Variants in EME1 observed in about 807,000 individuals in gnomAD.
The protein encoded by EME1 is essential meiotic structure-specific endonuclease 1, also known as structure-specific endonuclease subunit EME1.
Under a neutral mutation model 59.1 loss-of-function variants are expected in EME1, and 61 were observed. The ratio of observed to expected loss-of-function variants is 1.03; its 90% CI spans 0.84 to 1.28. EME1 has a LOEUF of 1.28. EME1 is among the 50% of genes most tolerant of loss of function. The pLI, the probability that EME1 is intolerant of heterozygous loss-of-function variation, is 0.00. For missense variants in EME1, 635 were observed against 682.6 expected (o/e 0.93, Z 0.78); for synonymous variants, 230 against 254.2 (o/e 0.90, Z 0.90).
Position 50,379,698 on chromosome 17 carries a change from G to C in EME1, c.1346+131G>C, listed in dbSNP as rs377329160. On this transcript the variant is annotated intron_variant, in intron 7 of 8. Transcript: ENST00000338165. The stretch of plus-strand genomic sequence containing the variant: ...TTGTCTCTCAAGCTTGAGGCAGAAG[G>C]AGCTGACCTCACACTGGGGATTCTT... The C allele has an allele frequency of 5.0e-5, 38 of 754,128 alleles. No homozygotes were observed. In the African/African-American group the frequency reaches 6.1e-4, roughly 12 times the overall value. 46.7% of individuals were successfully genotyped at this position (754,128 alleles called of 1,614,324 possible).
intron 3 of EME1, among the ~76,000 whole-genome samples, chr17:50,376,810 A>G (rs1313811014): frequency 2.6e-5 from 4 of 152,208 alleles, no homozygotes; most frequent in Non-Finnish European, 5.9e-5. Context: ...CCCTGACTTC[A>G]CTTTTCTCCT....
rs1321123098 is a variant in EME1, at chr17:50,375,597, G to A, written c.389G>A (p.Gly130Asp). The A allele has an allele frequency of 1.9e-6, 3 of 1,594,252 alleles. No homozygotes were observed. The highest frequency in any genetic ancestry group is 2.6e-6 in the Non-Finnish European group (3 of 1,174,756). Residue 130 changes from glycine (G) to aspartate (D), a missense_variant, in exon 2 of 9, where the codon GGT (glycine) becomes GAT (aspartate). By Grantham distance (94) the Gly-to-Asp change is moderately conservative (BLOSUM62 -1). Transcript: ENST00000338165. The part of the protein sequence containing the change: ...KSVLDHQNNE[G>D]ASCDWKKPFP... Reference sequence around the variant, plus strand: ...GTTTTGGATCATCAAAATAATGAAGGTGCATCATGTGACTGGAAAAAGCCC... The same window carrying A: ...GTTTTGGATCATCAAAATAATGAAGATGCATCATGTGACTGGAAAAAGCCC...
Position 50,380,623 on chromosome 17 carries a change from C to T in EME1, c.1536+122C>T, listed in dbSNP as rs749786167. The T allele has an allele frequency of 3.3e-6, 5 of 1,530,990 alleles. No individual in the cohort carries two copies. In the African/African-American group the frequency reaches 4.1e-5, roughly 13 times the overall value. 94.8% of individuals were successfully genotyped at this position (1,530,990 alleles called of 1,614,324 possible). A position where few individuals can be genotyped will look rare whatever the true frequency, so the allele number is the denominator to read the frequency against. On this transcript the variant is annotated intron_variant, in intron 8 of 8. Coordinates refer to ENST00000338165, the MANE Select transcript of EME1 (RefSeq NM_152463.4). ...CTCACAGGTCAGCAGTGCAGGTCTA[C>T]TAAGATCAGTGTTGCTAATGCTGAC...
intron 5 of EME1, 27 bp downstream of exon 5, chr17:50,378,922 G>A (rs1306945128): frequency 2.5e-6 from 4 of 1,614,118 alleles, no homozygotes; most frequent in Non-Finnish European, 3.4e-6. Context: ...GTGATTTCAT[G>A]TTAAAAGGGG....
chr17:50,379,488 G>A lies in EME1; in HGVS notation c.1267G>A (p.Ala423Thr), dbSNP rs138109548. 5.6e-4 allele frequency: 907 copies of A among 1,614,192 alleles called. No homozygotes were observed. The highest frequency in any genetic ancestry group is 7.2e-4 in the Non-Finnish European group (855 of 1,180,020). The change falls in exon 7 of 9, where the codon GCT becomes ACT. Residue 423 changes from alanine to threonine, a missense_variant. Coordinates refer to ENST00000338165, the MANE Select transcript of EME1 (RefSeq NM_152463.4). ...VDLQLHTEAQ[A>T]QIVQSWKELA... ...TCTGCAGCTACACACAGAAGCCCAG[G>A]CTCAAATTGTGCAGAGCTGGAAAGA...
At chr17:50,377,800 G>A (rs1645551203) in intron 3 of EME1, among the ~76,000 whole-genome samples, 1 of 151,426 alleles carries the variant, frequency 6.6e-6, no homozygotes, top group Admixed American at 6.6e-5. Flanking sequence ...CTGCTGCCCA[G>A]GCTAGAATGC....
In EME1 at chr17:50,375,184, G is replaced by A. The variant is rs200348764; in HGVS notation, c.-24-1G>A. 2 of 1,604,494 alleles carry A rather than the reference G, an allele frequency of 1.2e-6. No individual in the cohort carries two copies. The highest frequency in any genetic ancestry group is 1.7e-6 in the Non-Finnish European group (2 of 1,176,026). ...GTGTCATATGTCTCTTTTCCTTTTA[G>A]GGAATTATTTGATAGCACATACTGA... On this transcript the variant is annotated splice_acceptor_variant, in intron 1 of 8. Transcript: ENST00000338165. LOFTEE classifies it low-confidence loss of function (5UTR_SPLICE).
Position 50,378,773 on chromosome 17 carries a change from G to A in EME1, c.991-1G>A. The stretch of plus-strand genomic sequence containing the variant: ...AATGCAGTTTCTGCCCCTTCATGCA[G>A]GGAAGCCTGGACAGCACTATGAAAG... On this transcript the variant is annotated splice_acceptor_variant, in intron 4 of 8. Coordinates refer to ENST00000338165, the MANE Select transcript of EME1 (RefSeq NM_152463.4). LOFTEE classifies it high-confidence loss of function. 6.2e-7 allele frequency: 1 copy of A among 1,614,214 alleles called. No individual in the cohort carries two copies. The highest frequency in any genetic ancestry group is 8.5e-7 in the Non-Finnish European group (1 of 1,180,050).
rs763116119 is a variant in EME1, at chr17:50,376,048, C to CT, written c.776-14dup. 39 of 1,611,094 alleles carry CT rather than the reference C, an allele frequency of 2.4e-5. No homozygotes were observed. Among genetic ancestry groups the CT allele is most frequent in the South Asian group, 1.3e-4 (12 of 91,044 alleles). On this transcript the variant is annotated splice_polypyrimidine_tract_variant and intron_variant, in intron 2 of 8. Coordinates refer to ENST00000338165, the MANE Select transcript of EME1 (RefSeq NM_152463.4). The stretch of plus-strand genomic sequence containing the variant: ...GTTCTGGACCCCCCACTGACAGTCC[C>CT]TTTTCCATCTGTTGCAGTGCTCTTA...
chr17:50,373,256 A>G lies in EME1; in HGVS notation c.-46A>G. The G allele has an allele frequency of 1.3e-6, 2 of 1,578,680 alleles. No homozygotes were observed. Among genetic ancestry groups the G allele is most frequent in the Non-Finnish European group, 1.7e-6 (2 of 1,158,328 alleles). Reference sequence around the variant, plus strand: ...TTCCGGGCCCTGCGTGGCAGTTGAAAGAGTGGCGGGAGAAGTTGCAGGTGA... The same window carrying G: ...TTCCGGGCCCTGCGTGGCAGTTGAAGGAGTGGCGGGAGAAGTTGCAGGTGA... On this transcript the variant is annotated 5_prime_UTR_variant, in exon 1 of 9. Transcript: ENST00000338165.
chr17:50,373,327 G>C (rs1913258869), intron 1 of EME1, 50 bp downstream of exon 1: 1 of 959,152 alleles, frequency 1.0e-6, no homozygotes, highest in African/African-American at 1.6e-5. Context: ...CTTCCCTCCT[G>C]AACACCGCTC....
rs768197209 is a variant in EME1 at position 50,375,295 on chromosome 17, A to C, written c.87A>C (p.Glu29Asp). The change falls in exon 2 of 9, where the codon GAA (glutamate) becomes GAC (aspartate). Residue 29 changes from glutamate to aspartate, a missense_variant. Coordinates refer to ENST00000338165, the MANE Select transcript of EME1 (RefSeq NM_152463.4). ...CAACATTTGCCTTTCTGAAGAAGGAACCATCTTCAACAAAGAGGAGACAGC... is the reference window on the plus strand; with the variant it reads ...CAACATTTGCCTTTCTGAAGAAGGACCCATCTTCAACAAAGAGGAGACAGC... ...ELPTFAFLKK[E>D]PSSTKRRQPE... 5 of 1,614,076 alleles carry C rather than the reference A, an allele frequency of 3.1e-6. No homozygotes were observed. Among genetic ancestry groups the C allele is most frequent in the Non-Finnish European group, 4.2e-6 (5 of 1,180,034 alleles).
Position 50,378,768 on chromosome 17 carries a change from A to T in EME1, c.991-6A>T, listed in dbSNP as rs1913617619. On this transcript the variant is annotated splice_region_variant and splice_polypyrimidine_tract_variant and intron_variant, in intron 4 of 8. Coordinates refer to ENST00000338165, the MANE Select transcript of EME1 (RefSeq NM_152463.4). The stretch of plus-strand genomic sequence containing the variant: ...GTATTAATGCAGTTTCTGCCCCTTC[A>T]TGCAGGGAAGCCTGGACAGCACTAT... The T allele has an allele frequency of 1.2e-6, 2 of 1,614,064 alleles. No homozygotes were observed. The highest frequency in any genetic ancestry group is 1.3e-5 in the African/African-American group (1 of 74,918).
chr17:50,380,925 G>A lies in EME1; in HGVS notation c.1699G>A (p.Asp567Asn). Residue 567 changes from aspartate to asparagine, a missense_variant, in exon 9 of 9, where the codon GAT becomes AAT. Transcript: ENST00000338165. ...CACTTTACAGCCACATCTCTCTTTA[G>A]ATAGTGCTGACTGATTCTAGCCCTC... ...MTTLQPHLSL[D>N]SAD 1 of 1,614,154 alleles carries A rather than the reference G, an allele frequency of 6.2e-7. No homozygotes were observed.
At chr17:50,374,626 C>T (rs894860245) in intron 1 of EME1, among the ~76,000 whole-genome samples, 1 of 151,942 alleles carries the variant, frequency 6.6e-6, no homozygotes, top group Non-Finnish European at 1.5e-5. Flanking sequence ...CCAAGGCGGG[C>T]GGATCACTTG....
rs1332315584 is a variant in EME1, at chr17:50,375,384, CA to C, written c.177del (p.Pro60GlnfsTer11). 1.2e-6 allele frequency: 2 copies of C among 1,614,192 alleles called. No individual in the cohort carries two copies. The highest frequency in any genetic ancestry group is 4.5e-5 in the East Asian group (2 of 44,880). The stretch of plus-strand genomic sequence containing the variant: ...GATTGTGAAGCCTCCTGTCCTCCAG[CA>C]CCAGAGTTATTTTCACCACCTGTCC... ...ISDCEASCPP[A>X]PELFSPPVPE... is the part of the protein sequence containing the mutation. On this transcript the variant is annotated frameshift_variant, in exon 2 of 9. Transcript: ENST00000338165. LOFTEE classifies it high-confidence loss of function.
At chr17:50,380,172 G>A in intron 7 of EME1, 140 bp from the exon 8 acceptor site, 1 of 799,172 alleles carries the variant, frequency 1.3e-6, no homozygotes. Flanking sequence ...CACTCAAATT[G>A]TCAAAGGCAC....
Position 50,375,782 on chromosome 17 carries a change from A to G in EME1, c.574A>G (p.Ile192Val), listed in dbSNP as rs755358837. ...GGCAGTAACCAAAACAAATTCTGAC[A>G]TCCTTCCACCCCAGAAGAAAACCAA... ...SLAVTKTNSD[I>V]LPPQKKTKPS... Residue 192 changes from isoleucine to valine, a missense_variant, in exon 2 of 9, where the codon ATC becomes GTC. Physicochemically the swap from Ile to Val is conservative, Grantham distance 29. Transcript: ENST00000338165. 1.2e-6 allele frequency: 2 copies of G among 1,614,138 alleles called. No homozygotes were observed. The highest frequency in any genetic ancestry group is 1.7e-6 in the Non-Finnish European group (2 of 1,180,024).
In EME1 at chr17:50,380,931, GCTGA is replaced by G. The variant is rs941025848; in HGVS notation, c.1710_1713del (p.Ter571SerfsTer6). ...ACAGCCACATCTCTCTTTAGATAGT[GCTGA>G]CTGATTCTAGCCCTCAGGGATGAGG... is the stretch of plus-strand genomic sequence containing the variant. On this transcript the variant is annotated frameshift_variant, in exon 9 of 9. Transcript: ENST00000338165. LOFTEE classifies it high-confidence loss of function. 4.3e-6 allele frequency: 7 copies of G among 1,614,102 alleles called. No homozygotes were observed. Among genetic ancestry groups the G allele is most frequent in the African/African-American group, 1.3e-5 (1 of 75,018 alleles).
Sources: allele counts gnomAD v4.1 joint callset (sites outside exome capture counted in the v4.1 genomes callset), GRCh38; gene constraint gnomAD v4.1.1; transcripts MANE v1.5; gene names NCBI Gene and HGNC (gene_info 2026-07-23, HGNC 2026-07-21).